The following CD46 variants were observed in gnomAD, a reference collection of about 807,000 sequenced individuals.
The protein encoded by CD46 is CD46 molecule.
In CD46, 30 loss-of-function variants were observed where a neutral mutation model predicts 53.3. The observed-to-expected ratio is 0.56, with a 90% CI of 0.42 to 0.76. The LOEUF (loss-of-function observed/expected upper bound fraction) is 0.76, where lower values mean the gene tolerates loss of function less well. Among genes scored for constraint, CD46 ranks in the 30% least tolerant of loss-of-function variants. CD46 has a pLI of 0.00. For synonymous variants in CD46, 142 were observed against 152.0 expected (o/e 0.93, Z 0.48); for missense variants, 409 against 463.0 (o/e 0.88, Z 1.07).
At chr1:207,788,916 C>G (rs758688802) in intron 11 of CD46, among the ~76,000 whole-genome samples, 5 of 152,220 alleles carry the variant, frequency 3.3e-5, no homozygotes, top group Non-Finnish European at 7.3e-5. Context: ...TGTTTCATAG[C>G]TCTCAGCTGA....
intron 8 of CD46, among the ~76,000 whole-genome samples, chr1:207,771,048 T>G (rs1571631363): frequency 6.6e-6 from 1 of 152,216 alleles, no homozygotes; most frequent in Non-Finnish European, 1.5e-5. Context: ...TTTCTCCACA[T>G]CCTCTCCAGC....
At chr1:207,760,416 A>G (rs1234806370) in intron 4 of CD46, 2 of 152,220 alleles carry the variant, frequency 1.3e-5, no homozygotes, top group Non-Finnish European at 2.9e-5. Flanking sequence ...AGAGTGAAAA[A>G]AGACAATAAT....
chr1:207,793,709 G>A lies in CD46; in HGVS notation c.*232G>A. The A allele has an allele frequency of 1.2e-6, 1 of 845,096 alleles. No homozygotes were observed. Among genetic ancestry groups the A allele is most frequent in the Non-Finnish European group, 2.0e-6 (1 of 497,610 alleles). The allele number at this position is 845,096 out of a possible 1,614,324, so 52.3% of individuals were successfully genotyped here. On this transcript the variant is annotated 3_prime_UTR_variant, in exon 13 of 13. Coordinates refer to ENST00000367042, the MANE Select transcript of CD46 (RefSeq NM_172351.3). ...ACTGTGGCTTAGCTAATATTGCAAT[G>A]TGGCTTGAATGTAGGTAGCATCCTT... is the stretch of plus-strand genomic sequence containing the variant.
chr1:207,770,403 A>G (rs373668002), intron 8 of CD46, 41 bp downstream of exon 8: 6 of 1,364,972 alleles, frequency 4.4e-6, no homozygotes, highest in Non-Finnish European at 5.2e-6. Context: ...TTAAGAATTT[A>G]TTTATTTATT....
chr1:207,760,240 A>G (rs1358755680), intron 4 of CD46: 1 of 152,962 alleles, frequency 6.5e-6, no homozygotes, highest in Non-Finnish European at 1.5e-5. Context: ...TTTATGAAAA[A>G]TAATAATTTT....
At chr1:207,760,090 C>A in intron 4 of CD46, 1 of 199,960 alleles carries the variant, frequency 5.0e-6, no homozygotes, top group Non-Finnish European at 1.0e-5. Flanking sequence ...GATGCCCAGG[C>A]TGGTCTTGAA....
chr1:207,787,677 A>G (rs1659395341), intron 11 of CD46, among the ~76,000 whole-genome samples: 1 of 152,232 alleles, frequency 6.6e-6, no homozygotes, highest in Non-Finnish European at 1.5e-5. Context: ...GAACTTTAAA[A>G]TATAAACTGC....
intron 9 of CD46, among the ~76,000 whole-genome samples, chr1:207,784,492 T>A (rs1232691253): frequency 1.3e-5 from 2 of 152,160 alleles, no homozygotes; most frequent in African/African-American, 4.8e-5. Context: ...AGGTTCCCAT[T>A]AAGAGTTTCA....
chr1:207,787,146 G>A (rs778787966), intron 11 of CD46, among the ~76,000 whole-genome samples: 3 of 151,912 alleles, frequency 2.0e-5, no homozygotes, highest in East Asian at 3.9e-4. Context: ...ATCTTGGCTC[G>A]CTGCAACCTT....
chr1:207,783,356 T>A, intron 9 of CD46, 26 bp downstream of exon 9: 1 of 1,422,132 alleles, frequency 7.0e-7, no homozygotes, highest in East Asian at 2.3e-5. Context: ...ATGACAAATA[T>A]AAGTGGTAGT....
intron 8 of CD46, among the ~76,000 whole-genome samples, chr1:207,780,135 A>T (rs1428026041): frequency 6.6e-6 from 1 of 151,622 alleles, no homozygotes; most frequent in Non-Finnish European, 1.5e-5. Flanking sequence ...TAATCATCCC[A>T]CACTGAATCT....
At chr1:207,764,381 GC>G (rs1461693012) in intron 5 of CD46, among the ~76,000 whole-genome samples, 1 of 152,160 alleles carries the variant, frequency 6.6e-6, no homozygotes, top group Non-Finnish European at 1.5e-5. Flanking sequence ...GTAATTAATG[GC>G]CGCTCGATCT....
chr1:207,781,457 T>G (rs968221491), intron 8 of CD46, among the ~76,000 whole-genome samples: 4 of 152,198 alleles, frequency 2.6e-5, no homozygotes, highest in Non-Finnish European at 5.9e-5. Context: ...ATAATTTTTT[T>G]CTTGTCTTGC....
At chr1:207,761,187 A>G (rs1656156338) in intron 4 of CD46, 62 bp from the exon 5 acceptor site, 1 of 1,086,144 alleles carries the variant, frequency 9.2e-7, no homozygotes, top group South Asian at 1.4e-5. Context: ...GAAGACACAG[A>G]AATTTTACTA....
At chr1:207,777,676 T>G (rs535907525) in intron 8 of CD46, among the ~76,000 whole-genome samples, 1 of 152,182 alleles carries the variant, frequency 6.6e-6, no homozygotes, top group Admixed American at 6.5e-5. Context: ...ATTTTCTTTA[T>G]CCAGTCTGTC....
At chr1:207,780,952 GT>G (rs1658679043) in intron 8 of CD46, among the ~76,000 whole-genome samples, 1 of 151,630 alleles carries the variant, frequency 6.6e-6, no homozygotes, top group Non-Finnish European at 1.5e-5. Context: ...GAGAGAGAGA[GT>G]AAGAGGGACA....
chr1:207,755,724 A>G (rs1655460192), intron 1 of CD46, among the ~76,000 whole-genome samples: 1 of 152,252 alleles, frequency 6.6e-6, no homozygotes. Flanking sequence ...CAAAGAGAGC[A>G]GTCCATATCT....
At chr1:207,777,402 A>AG (rs1658234362) in intron 8 of CD46, among the ~76,000 whole-genome samples, 1 of 152,136 alleles carries the variant, frequency 6.6e-6, no homozygotes, top group South Asian at 2.1e-4. Flanking sequence ...AACGTGTCAC[A>AG]GGGATTTGTT....
At chr1:207,756,025 A>C (rs1162634531) in intron 1 of CD46, among the ~76,000 whole-genome samples, 3 of 152,172 alleles carry the variant, frequency 2.0e-5, no homozygotes, top group African/African-American at 7.2e-5. Context: ...AGATCCATGC[A>C]GGGGAGAGTC....
Sources: gnomAD v4.1 joint callset for allele counts (sites outside exome capture counted in the v4.1 genomes callset) on GRCh38, gnomAD v4.1.1 for gene constraint, MANE v1.5 for transcripts, NCBI Gene and HGNC (gene_info 2026-07-23, HGNC 2026-07-21) for gene names.